HCN1: variants seen among roughly 807,000 people sequenced by gnomAD.
The protein encoded by HCN1 is potassium/sodium hyperpolarization-activated cyclic nucleotide-gated channel 1.
HCN1 carries 13 observed loss-of-function variants against 78.9 expected under a neutral mutation model. That is an observed-to-expected ratio of 0.16 (90% CI 0.11 to 0.26). The LOEUF (loss-of-function observed/expected upper bound fraction) is 0.26. HCN1 is among the 10% of genes least tolerant of loss of function. HCN1 has a pLI of 1.00. For missense variants in HCN1, 810 were observed against 1,154.3 expected (o/e 0.70, Z 4.32); for synonymous variants, 552 against 455.5 (o/e 1.21, Z -2.70).
intron 3 of HCN1, among the ~76,000 whole-genome samples, chr5:45,431,552 T>A (rs1441674851): frequency 6.6e-6 from 1 of 152,186 alleles, no homozygotes; most frequent in Non-Finnish European, 1.5e-5. Flanking sequence ...TCTTCCAGGG[T>A]CTTTACAGTT....
chr5:45,277,651 T>G (rs1041719690), intron 6 of HCN1, among the ~76,000 whole-genome samples: 1 of 152,258 alleles, frequency 6.6e-6, no homozygotes, highest in Middle Eastern at 3.4e-3. Context: ...GTGTGTGTGT[T>G]TTGTACAAAT....
At chr5:45,357,295 G>A (rs949772253) in intron 4 of HCN1, among the ~76,000 whole-genome samples, 7 of 152,014 alleles carry the variant, frequency 4.6e-5, no homozygotes, top group Non-Finnish European at 1.0e-4. Context: ...AGAATTCTAG[G>A]TTGAACTCCT....
intron 4 of HCN1, among the ~76,000 whole-genome samples, chr5:45,358,773 A>G (rs891375439): frequency 6.6e-6 from 1 of 152,108 alleles, no homozygotes; most frequent in Non-Finnish European, 1.5e-5. Context: ...TGGAGGCAAT[A>G]AAGTGAAATA....
chr5:45,657,552 A>C (rs1377037351), intron 1 of HCN1, among the ~76,000 whole-genome samples: 1 of 152,146 alleles, frequency 6.6e-6, no homozygotes, highest in Non-Finnish European at 1.5e-5. Context: ...GTTCTGCAAA[A>C]AGGTTTTGTA....
At chr5:45,437,171 A>G (rs1366262277) in intron 3 of HCN1, among the ~76,000 whole-genome samples, 1 of 152,206 alleles carries the variant, frequency 6.6e-6, no homozygotes, top group African/African-American at 2.4e-5. Context: ...TGTACACAAT[A>G]GGGTACTAAT....
At chr5:45,519,188 G>A (rs938015384) in intron 2 of HCN1, among the ~76,000 whole-genome samples, 1 of 151,806 alleles carries the variant, frequency 6.6e-6, no homozygotes, top group Non-Finnish European at 1.5e-5. Flanking sequence ...AAAAAGTCTG[G>A]CTACTGGGAA....
chr5:45,508,247 C>T (rs910325082), intron 2 of HCN1, among the ~76,000 whole-genome samples: 2 of 152,124 alleles, frequency 1.3e-5, no homozygotes, highest in African/African-American at 2.4e-5. Context: ...AGTACGATTA[C>T]AGAAAATTCC....
intron 2 of HCN1, among the ~76,000 whole-genome samples, chr5:45,544,187 T>C (rs1322490977): frequency 1.3e-5 from 2 of 152,122 alleles, no homozygotes; most frequent in African/African-American, 2.4e-5. Flanking sequence ...TTTTAGAATA[T>C]ACTTATTTTG....
In HCN1 at chr5:45,449,500, A is replaced by G. The variant is rs112756474; in HGVS notation, c.1011+12346T>C. On this transcript the variant is annotated intron_variant, in intron 3 of 7. Transcript: ENST00000303230. ...ATCAGTCGTCTGCTTTAAGGAGATT[A>G]GATGTCCCATCTCTTTTCCAGTTCT... 9.0e-3 allele frequency among the ~76,000 whole-genome samples: 1,376 copies of G among 152,252 alleles called. 21 individuals are homozygous for G. Among genetic ancestry groups the G allele is most frequent in the African/African-American group, 0.032 (1,319 of 41,542 alleles).
At chr5:45,579,301 C>T (rs1465056942) in intron 2 of HCN1, among the ~76,000 whole-genome samples, 1 of 152,002 alleles carries the variant, frequency 6.6e-6, no homozygotes, top group Non-Finnish European at 1.5e-5. Flanking sequence ...TTATACCAAG[C>T]TGTAGGTACA....
At chr5:45,419,180 A>G (rs959988708) in intron 3 of HCN1, among the ~76,000 whole-genome samples, 5 of 152,166 alleles carry the variant, frequency 3.3e-5, no homozygotes, top group African/African-American at 4.8e-5. Context: ...CTATTATTTC[A>G]TATCTTGAAA....
chr5:45,463,956 A>C (rs989252312), intron 2 of HCN1, among the ~76,000 whole-genome samples: 2 of 152,096 alleles, frequency 1.3e-5, no homozygotes, highest in African/African-American at 4.8e-5. Flanking sequence ...ACTATCTGAA[A>C]ATATTACAAA....
At chr5:45,361,154 C>T (rs1747099097) in intron 4 of HCN1, among the ~76,000 whole-genome samples, 1 of 152,164 alleles carries the variant, frequency 6.6e-6, no homozygotes, top group African/African-American at 2.4e-5. Context: ...TAGCGATTCT[C>T]CTGCCTCAGC....
intron 3 of HCN1, among the ~76,000 whole-genome samples, chr5:45,453,457 AACAC>A (rs1319160116): frequency 7.9e-5 from 12 of 152,140 alleles, no homozygotes; most frequent in African/African-American, 2.4e-4. Flanking sequence ...CCTAAAACCC[AACAC>A]ACACATACAA....
chr5:45,327,285 C>T (rs977459138), intron 5 of HCN1, among the ~76,000 whole-genome samples: 6 of 151,548 alleles, frequency 4.0e-5, no homozygotes, highest in African/African-American at 1.5e-4. Context: ...GTATGCTGAA[C>T]TAAAAAATAT....
chr5:45,352,459 G>A (rs532881943), intron 5 of HCN1, among the ~76,000 whole-genome samples: 40 of 151,882 alleles, frequency 2.6e-4, no homozygotes, highest in Non-Finnish European at 4.9e-4. Flanking sequence ...CACCAGCATC[G>A]CACATGTATA....
intron 2 of HCN1, among the ~76,000 whole-genome samples, chr5:45,586,007 A>C (rs961632696): frequency 2.6e-5 from 4 of 152,176 alleles, no homozygotes; most frequent in African/African-American, 9.7e-5. Flanking sequence ...GTCTGTTCTC[A>C]GATCTTCAGC....
At chr5:45,691,303 G>A (rs1007520338) in intron 1 of HCN1, among the ~76,000 whole-genome samples, 8 of 151,892 alleles carry the variant, frequency 5.3e-5, no homozygotes, top group African/African-American at 9.7e-5. Flanking sequence ...ATCATACCCC[G>A]AAGGAGGTTT....
At chr5:45,496,983 G>T (rs1289068249) in intron 2 of HCN1, among the ~76,000 whole-genome samples, 1 of 152,156 alleles carries the variant, frequency 6.6e-6, no homozygotes, top group African/African-American at 2.4e-5. Flanking sequence ...TCAGGAGCAG[G>T]TTGTTCAGTT....
Sources: allele counts gnomAD v4.1 joint callset (sites outside exome capture counted in the v4.1 genomes callset), GRCh38; gene constraint gnomAD v4.1.1; transcripts MANE v1.5; gene names NCBI Gene and HGNC (gene_info 2026-07-23, HGNC 2026-07-21).